ANKMY2: variants seen among roughly 807,000 people sequenced by gnomAD.
ANKMY2 encodes ankyrin repeat and MYND domain-containing protein 2.
In ANKMY2, 36 loss-of-function variants were observed where a neutral mutation model predicts 50.4. The ratio of observed to expected loss-of-function variants is 0.71; its 90% CI spans 0.55 to 0.94. The LOEUF is 0.94. Ranked by LOEUF, ANKMY2 falls within the 40% of genes least tolerant of loss-of-function variation. The pLI is 0.00. For synonymous variants in ANKMY2, 187 were observed against 178.8 expected, an observed-to-expected ratio of 1.05 and a Z score of -0.36; for missense variants, 565 against 524.0, an observed-to-expected ratio of 1.08 and a Z score of -0.76.
rs1230005090 is a variant in ANKMY2, at chr7:16,636,451, A to G, written c.72T>C (p.Thr24=). The G allele has an allele frequency of 7.0e-6, 11 of 1,575,396 alleles. No homozygotes were observed. The South Asian group carries it at 1.3e-4, about 18-fold the overall frequency. The change falls in exon 2 of 10, where the codon ACT becomes ACC. Residue 24 remains threonine (T), a synonymous_variant. Coordinates refer to ENST00000306999, the MANE Select transcript of ANKMY2 (RefSeq NM_020319.3). ...ATAATAATGTTCCAGCTTCTTGGACAGTACCTAAAAAAAAAAAAAAGATGA... is the reference window on the plus strand; with the variant it reads ...ATAATAATGTTCCAGCTTCTTGGACGGTACCTAAAAAAAAAAAAAAGATGA... ...KELLEVIGKG[T]VQEAGTLLSS...
At chr7:16,615,014 T>A (rs933196668) in intron 5 of ANKMY2, among the ~76,000 whole-genome samples, 4 of 152,194 alleles carry the variant, frequency 2.6e-5, no homozygotes, top group African/African-American at 7.2e-5. Flanking sequence ...ATTTTTAAAA[T>A]CTGGAAGACA....
intron 7 of ANKMY2, among the ~76,000 whole-genome samples, chr7:16,605,569 C>A (rs1781142831): frequency 6.6e-6 from 1 of 151,790 alleles, no homozygotes; most frequent in Non-Finnish European, 1.5e-5. Context: ...TCGATCTTGG[C>A]TCACTGCAAC....
chr7:16,634,363 G>C (rs1781628248), intron 2 of ANKMY2, among the ~76,000 whole-genome samples: 1 of 152,150 alleles, frequency 6.6e-6, no homozygotes, highest in African/African-American at 2.4e-5. Context: ...TCCTGCAATT[G>C]CCTAGCTTAT....
At chr7:16,627,795 A>AG (rs1389799921) in intron 2 of ANKMY2, among the ~76,000 whole-genome samples, 1 of 151,832 alleles carries the variant, frequency 6.6e-6, no homozygotes, top group African/African-American at 2.4e-5. Flanking sequence ...ATAAATATAG[A>AG]GAAATGGTTG....
chr7:16,623,006 G>C (rs1221698316), intron 4 of ANKMY2, among the ~76,000 whole-genome samples: 2 of 152,154 alleles, frequency 1.3e-5, no homozygotes, highest in African/African-American at 2.4e-5. Context: ...ATATCATGGA[G>C]TATCATATAG....
chr7:16,612,280 C>T (rs1410492286), intron 5 of ANKMY2, among the ~76,000 whole-genome samples: 1 of 152,182 alleles, frequency 6.6e-6, no homozygotes, highest in Non-Finnish European at 1.5e-5. Flanking sequence ...AGCTAGCCCT[C>T]TAATTAGAAA....
chr7:16,611,127 G>C (rs976597945), intron 5 of ANKMY2, among the ~76,000 whole-genome samples: 3 of 152,130 alleles, frequency 2.0e-5, no homozygotes, highest in Non-Finnish European at 4.4e-5. Flanking sequence ...TCAAATCATT[G>C]AGCAATAACC....
Position 16,602,419 on chromosome 7 carries a change from G to C in ANKMY2, c.1102C>G (p.Gln368Glu). 6.2e-7 allele frequency: 1 copy of C among 1,613,728 alleles called. No individual in the cohort carries two copies. The highest frequency in any genetic ancestry group is 1.7e-5 in the Admixed American group (1 of 59,988). ...CTCTTTTCTTTGGCAGCCTCCAACT[G>C]TTGCTTTTCGTAAATGTCCTTCAGA... ...KNLKDIYEKQ[Q>E]LEAAKEKRQE... Residue 368 changes from glutamine to glutamate, a missense_variant, in exon 9 of 10, where the codon CAG (glutamine) becomes GAG (glutamate). Transcript: ENST00000306999.
intron 2 of ANKMY2, among the ~76,000 whole-genome samples, chr7:16,634,989 T>C (rs1376284435): frequency 6.6e-6 from 1 of 151,852 alleles, no homozygotes; most frequent in Non-Finnish European, 1.5e-5. Flanking sequence ...AATAAAAACA[T>C]ACAACCCATA....
intron 8 of ANKMY2, 118 bp from the exon 9 acceptor site, chr7:16,602,627 C>A (rs937637735): frequency 7.8e-7 from 1 of 1,279,262 alleles, no homozygotes. Flanking sequence ...TATTTTAAAA[C>A]CATAATATGT....
chr7:16,619,118 A>G (rs1392480870), intron 4 of ANKMY2, among the ~76,000 whole-genome samples: 2 of 152,164 alleles, frequency 1.3e-5, no homozygotes, highest in African/African-American at 4.8e-5. Flanking sequence ...TACATAACAA[A>G]GATACTGTCA....
chr7:16,637,981 T>C (rs1182915024), intron 1 of ANKMY2, among the ~76,000 whole-genome samples: 1 of 152,220 alleles, frequency 6.6e-6, no homozygotes, highest in Non-Finnish European at 1.5e-5. Context: ...TCTAAGGTGT[T>C]TGCCAAATAG....
Position 16,615,898 on chromosome 7 carries a change from T to C in ANKMY2, c.377A>G (p.His126Arg), listed in dbSNP as rs200230193. 79 of 1,596,078 alleles carry C rather than the reference T, an allele frequency of 4.9e-5. No individual in the cohort carries two copies. The highest frequency in any genetic ancestry group is 1.1e-4 in the Admixed American group (6 of 55,282). ...ATTGTTGATTATGGTCACACAATCA[T>C]GTTGACCTTTTCATAGAAAAATAGA... ...AAQMAAFVGQHDCVTIINNFF... is the reference protein window; with the variant it reads ...AAQMAAFVGQRDCVTIINNFF... Residue 126 changes from histidine to arginine, a missense_variant, in exon 5 of 10, where the codon CAT becomes CGT. Transcript: ENST00000306999.
intron 4 of ANKMY2, among the ~76,000 whole-genome samples, chr7:16,619,810 C>A (rs903017969): frequency 2.1e-4 from 32 of 152,152 alleles, no homozygotes; most frequent in African/African-American, 7.7e-4. Context: ...ACAGGGCTCA[C>A]TGAGTGTGAT....
At chr7:16,604,592 A>G in intron 8 of ANKMY2, 129 bp downstream of exon 8, 1 of 1,241,568 alleles carries the variant, frequency 8.1e-7, no homozygotes, top group Non-Finnish European at 1.1e-6. Context: ...TAAGTATTAA[A>G]TAGAATATTT....
chr7:16,611,755 T>A, intron 5 of ANKMY2, among the ~76,000 whole-genome samples: 1 of 152,212 alleles, frequency 6.6e-6, no homozygotes, highest in South Asian at 2.1e-4. Flanking sequence ...TCACCTATTT[T>A]ACATACACCT....
chr7:16,626,997 A>C, intron 3 of ANKMY2, 43 bp downstream of exon 3: 1 of 1,493,886 alleles, frequency 6.7e-7, no homozygotes, highest in Non-Finnish European at 9.0e-7. Context: ...ACTTATAACA[A>C]GTTTGTATAG....
intron 4 of ANKMY2, among the ~76,000 whole-genome samples, chr7:16,623,782 C>T (rs1161170045): frequency 6.6e-6 from 1 of 152,146 alleles, no homozygotes; most frequent in Non-Finnish European, 1.5e-5. Flanking sequence ...TTCTCCGAAG[C>T]TTACACAAGG....
chr7:16,615,962 T>A, intron 4 of ANKMY2, 58 bp from the exon 5 acceptor site: 1 of 1,490,738 alleles, frequency 6.7e-7, no homozygotes, highest in Non-Finnish European at 9.0e-7. Context: ...CACATCTGGT[T>A]TTTAAAATTA....
Sources: allele counts gnomAD v4.1 joint callset (sites outside exome capture counted in the v4.1 genomes callset), GRCh38; gene constraint gnomAD v4.1.1; transcripts MANE v1.5; gene names NCBI Gene and HGNC (gene_info 2026-07-23, HGNC 2026-07-21).